The following CSGALNACT1 variants were observed in gnomAD, a reference collection of about 807,000 sequenced individuals.
The protein encoded by CSGALNACT1 is chondroitin sulfate N-acetylgalactosaminyltransferase 1.
Under a neutral mutation model 51.0 loss-of-function variants are expected in CSGALNACT1, and 52 were observed. The observed-to-expected ratio is 1.02, with a 90% confidence interval of 0.82 to 1.29. The LOEUF (loss-of-function observed/expected upper bound fraction) is 1.29. Ranked by LOEUF, CSGALNACT1 falls within the 50% of genes most tolerant of loss-of-function variation. CSGALNACT1 has a pLI of 0.00. For missense variants in CSGALNACT1, 935 were observed against 679.2 expected (o/e 1.38, Z -4.19); for synonymous variants, 341 against 254.4 (o/e 1.34, Z -3.24).
At chr8:19,410,632 T>C (rs1183160541) in intron 8 of CSGALNACT1, among the ~76,000 whole-genome samples, 2 of 152,304 alleles carry the variant, frequency 1.3e-5, no homozygotes, top group South Asian at 2.1e-4. Context: ...TGCACTGATG[T>C]AGGGCCTTTC....
At chr8:19,502,471 G>A in intron 4 of CSGALNACT1, among the ~76,000 whole-genome samples, 1 of 152,166 alleles carries the variant, frequency 6.6e-6, no homozygotes, top group African/African-American at 2.4e-5. Context: ...TCATCTGCAA[G>A]CATGCCTTGA....
At chr8:19,555,082 T>C (rs1210564284) in intron 3 of CSGALNACT1, among the ~76,000 whole-genome samples, 4 of 149,752 alleles carry the variant, frequency 2.7e-5, no homozygotes, top group Admixed American at 2.0e-4. Flanking sequence ...CTACTAAAAA[T>C]ACAAAAATTA....
chr8:19,564,156 T>C (rs761135120), intron 3 of CSGALNACT1, among the ~76,000 whole-genome samples: 5 of 152,142 alleles, frequency 3.3e-5, no homozygotes, highest in African/African-American at 4.8e-5. Flanking sequence ...TCGCAAACTT[T>C]TAAAAGAGGA....
chr8:19,633,954 C>A (rs1377904066), intron 1 of CSGALNACT1, among the ~76,000 whole-genome samples: 1 of 151,920 alleles, frequency 6.6e-6, no homozygotes, highest in African/African-American at 2.4e-5. Context: ...CTTTCCCAAC[C>A]GAGGGTTCGT....
intron 1 of CSGALNACT1, among the ~76,000 whole-genome samples, chr8:19,626,359 C>A (rs1231265160): frequency 6.6e-6 from 1 of 151,782 alleles, no homozygotes; most frequent in Admixed American, 6.6e-5. Flanking sequence ...GGTGTCGGAA[C>A]AACTGGCTAT....
intron 4 of CSGALNACT1, among the ~76,000 whole-genome samples, chr8:19,478,413 CAAAAAAAA>C (rs55767885): frequency 1.4e-5 from 1 of 70,828 alleles, no homozygotes; most frequent in East Asian, 5.0e-4. Flanking sequence ...GACTCCGTCT[CAAAAAAAA>C]AAAAAAAAAA....
chr8:19,459,461 C>T (rs568362091), intron 4 of CSGALNACT1, among the ~76,000 whole-genome samples: 2 of 151,216 alleles, frequency 1.3e-5, no homozygotes, highest in Admixed American at 6.6e-5. Flanking sequence ...CTATTTGGGA[C>T]CCCTGGGAGT....
intron 1 of CSGALNACT1, among the ~76,000 whole-genome samples, chr8:19,755,480 A>AAAAAAAAAAAAAACAAAAAG (rs2065308904): frequency 6.9e-6 from 1 of 143,888 alleles, no homozygotes; most frequent in Non-Finnish European, 1.5e-5. Context: ...AAAAAAAAAA[A>AAAAAAAAAAAAAACAAAAAG]AGACAACATT....
At chr8:19,506,732 T>C (rs996354732) in intron 3 of CSGALNACT1, among the ~76,000 whole-genome samples, 8 of 152,142 alleles carry the variant, frequency 5.3e-5, no homozygotes, top group African/African-American at 1.2e-4. Context: ...TTTGTCTCTC[T>C]CTATCCCCAC....
chr8:19,639,430 T>C (rs530304479), intron 1 of CSGALNACT1, among the ~76,000 whole-genome samples: 1 of 152,292 alleles, frequency 6.6e-6, no homozygotes, highest in African/African-American at 2.4e-5. Context: ...CATTGCACCA[T>C]TAACCACTGC....
intron 3 of CSGALNACT1, among the ~76,000 whole-genome samples, chr8:19,538,380 T>C (rs2084270112): frequency 6.6e-6 from 1 of 151,816 alleles, no homozygotes; most frequent in South Asian, 2.1e-4. Flanking sequence ...GTCATATAAT[T>C]AGAAAATGGG....
rs530323530 is a variant in CSGALNACT1 at position 19,700,294 on chromosome 8, A to C, written c.-297+57556T>G. On this transcript the variant is annotated intron_variant, in intron 1 of 1. Transcript: ENST00000517494. ...TGTGTGATCTTCCTAGACAGCACTC[A>C]CAGGTTTGCTTTCAACTTCGACTGT... Among the ~76,000 whole-genome samples, 4 of 152,114 alleles carry C rather than the reference A, an allele frequency of 2.6e-5. No individual in the cohort carries two copies. In the East Asian group the frequency reaches 7.7e-4, roughly 29 times the overall value.
intron 1 of CSGALNACT1, among the ~76,000 whole-genome samples, chr8:19,708,912 CAT>C (rs1172662033): frequency 6.6e-6 from 1 of 152,154 alleles, no homozygotes; most frequent in Non-Finnish European, 1.5e-5. Context: ...TCATGTACCA[CAT>C]ATGTGGACTT....
intron 1 of CSGALNACT1, among the ~76,000 whole-genome samples, chr8:19,628,407 G>A (rs1402077610): frequency 2.0e-5 from 3 of 152,184 alleles, no homozygotes; most frequent in African/African-American, 7.2e-5. Flanking sequence ...GAGGGAAACT[G>A]CCCACATGAT....
intron 3 of CSGALNACT1, among the ~76,000 whole-genome samples, chr8:19,561,615 C>G (rs560024814): frequency 6.6e-6 from 1 of 152,210 alleles, no homozygotes; most frequent in Non-Finnish European, 1.5e-5. Flanking sequence ...TTAAGATCCA[C>G]GTGCAGGCCT....
At chr8:19,576,291 G>T (rs1374234207) in intron 3 of CSGALNACT1, among the ~76,000 whole-genome samples, 1 of 148,900 alleles carries the variant, frequency 6.7e-6, no homozygotes, top group Non-Finnish European at 1.5e-5. Context: ...CACCTCCCAG[G>T]TTCATGAGAT....
In CSGALNACT1 at chr8:19,543,330, G is replaced by A. The variant is rs566735687; in HGVS notation, c.-296-37200C>T. ...TTCTGTGCAGGAAAGTGTTAACATA[G>A]CACGCCTGAGGCTTTCCTTAGAAAG... On this transcript the variant is annotated intron_variant, in intron 3 of 9. Transcript: ENST00000454498. 1.7e-3 allele frequency among the ~76,000 whole-genome samples: 258 copies of A among 152,300 alleles called. 2 individuals carry two copies. The highest frequency in any genetic ancestry group is 6.0e-3 in the African/African-American group (249 of 41,562).
chr8:19,738,766 T>G (rs918931826), intron 1 of CSGALNACT1, among the ~76,000 whole-genome samples: 7 of 152,180 alleles, frequency 4.6e-5, no homozygotes, highest in African/African-American at 1.7e-4. Context: ...TGTGCAGCGA[T>G]AGGAGCAAAA....
At chr8:19,720,715 G>A (rs2063074648) in intron 1 of CSGALNACT1, among the ~76,000 whole-genome samples, 1 of 152,170 alleles carries the variant, frequency 6.6e-6, no homozygotes, top group Non-Finnish European at 1.5e-5. Context: ...TGTTCTCAGA[G>A]CCCAAAAGGG....
Sources: gnomAD v4.1 joint callset for allele counts (sites outside exome capture counted in the v4.1 genomes callset) on GRCh38, gnomAD v4.1.1 for gene constraint, MANE v1.5 for transcripts, NCBI Gene and HGNC (gene_info 2026-07-23, HGNC 2026-07-21) for gene names.